HSPE1: variants seen among roughly 807,000 people sequenced by gnomAD.
HSPE1 encodes the protein heat shock protein family E (Hsp10) member 1.
Under a neutral mutation model 13.2 loss-of-function variants are expected in HSPE1, and 1 was observed. The ratio of observed to expected loss-of-function variants is 0.08; its 90% CI spans 0.03 to 0.36. The LOEUF (loss-of-function observed/expected upper bound fraction) is 0.36. HSPE1 is among the 10% of genes least tolerant of loss of function. The pLI is 0.99. For missense variants in HSPE1, 73 were observed against 118.7 expected, an observed-to-expected ratio of 0.62 and a Z score of 1.79; for synonymous variants, 44 against 42.0, an observed-to-expected ratio of 1.05 and a Z score of -0.19.
chr2:197,500,473 C>A, intron 1 of HSPE1, 34 bp downstream of exon 1: 1 of 1,365,730 alleles, frequency 7.3e-7, no homozygotes. Context: ...CCTGCAGGCC[C>A]GGGCCTGTCT....
rs1431944929 is a variant in HSPE1, at chr2:197,501,071, C to T, written c.4-3C>T. On this transcript the variant is annotated splice_polypyrimidine_tract_variant and splice_region_variant and intron_variant, in intron 1 of 3. Coordinates refer to ENST00000233893, the MANE Select transcript of HSPE1 (RefSeq NM_002157.3). The stretch of plus-strand genomic sequence containing the variant: ...TTGTTTCAAAACATTTCTCTTCCTA[C>T]AGGCAGGACAAGCGTTTAGAAAGTT... 3 of 1,584,324 alleles carry T rather than the reference C, an allele frequency of 1.9e-6. No homozygotes were observed. Among genetic ancestry groups the T allele is most frequent in the Admixed American group, 1.7e-5 (1 of 58,092 alleles).
In HSPE1 at chr2:197,501,254, A is replaced by C; in HGVS notation, c.168+16A>C. 19 of 1,597,606 alleles carry C rather than the reference A, an allele frequency of 1.2e-5. No individual in the cohort carries two copies. The highest frequency in any genetic ancestry group is 1.6e-5 in the Non-Finnish European group (19 of 1,170,584). ...TAAAGGAAAGGTAAATGGGAGCTGC[A>C]GTGGAACTATTTTTTATAGTGTGCA... On this transcript the variant is annotated intron_variant, in intron 2 of 3. Transcript: ENST00000233893.
intron 2 of HSPE1, among the ~76,000 whole-genome samples, chr2:197,502,006 T>TA (rs1183491223): frequency 1.3e-5 from 2 of 152,060 alleles, no homozygotes; most frequent in African/African-American, 2.4e-5. Flanking sequence ...AATAAATAAA[T>TA]ACAAAAGATG....
chr2:197,500,671 C>T, intron 1 of HSPE1: 1 of 637,804 alleles, frequency 1.6e-6, no homozygotes. Context: ...AACCCGGGCG[C>T]ACGCGCAGCG....
intron 1 of HSPE1, 77 bp from the exon 2 acceptor site, chr2:197,500,997 T>A: frequency 6.6e-7 from 1 of 1,525,962 alleles, no homozygotes; most frequent in Non-Finnish European, 8.9e-7. Flanking sequence ...CGTGTTGAGA[T>A]GTATAGCACG....
chr2:197,500,677 C>T, intron 1 of HSPE1: 1 of 626,032 alleles, frequency 1.6e-6, no homozygotes, highest in East Asian at 2.7e-5. Flanking sequence ...GGCGCACGCG[C>T]AGCGTCTCAC....
Position 197,503,306 on chromosome 2 carries a change from C to T in HSPE1, c.*47C>T. 8.5e-7 allele frequency: 1 copy of T among 1,181,800 alleles called. No homozygotes were observed. The highest frequency in any genetic ancestry group is 1.3e-5 in the South Asian group (1 of 78,378). 73.2% of individuals were successfully genotyped at this position (1,181,800 alleles called of 1,614,324 possible). A position where few individuals can be genotyped will look rare whatever the true frequency, so the allele number is the denominator to read the frequency against. On this transcript the variant is annotated 3_prime_UTR_variant, in exon 4 of 4. Coordinates refer to ENST00000233893, the MANE Select transcript of HSPE1 (RefSeq NM_002157.3). ...CATCAACATGATGCTGCCCATTCCA[C>T]TGAAGTTCTGAAATCTTTCGTCATG...
intron 1 of HSPE1, 125 bp downstream of exon 1, chr2:197,500,564 G>C (rs1477683498): frequency 1.4e-5 from 20 of 1,429,414 alleles, no homozygotes; most frequent in Non-Finnish European, 1.9e-5. Context: ...ACCAGCGCCC[G>C]ATGGCACCTT....
chr2:197,500,380 C>T lies in HSPE1; in HGVS notation c.-57C>T, dbSNP rs968200620. 1.2e-5 allele frequency: 19 copies of T among 1,581,358 alleles called. No individual in the cohort carries two copies. The highest frequency in any genetic ancestry group is 6.8e-5 in the African/African-American group (5 of 74,052). On this transcript the variant is annotated 5_prime_UTR_variant, in exon 1 of 4. Coordinates refer to ENST00000233893, the MANE Select transcript of HSPE1 (RefSeq NM_002157.3). The stretch of plus-strand genomic sequence containing the variant: ...TTCACGTGTCGCCAGGGCCGGACTG[C>T]GAGTCTCTTTGCGGCGCTACACTAG...
chr2:197,500,512 CTTT>C, intron 1 of HSPE1, 73 bp downstream of exon 1: 1 of 639,226 alleles, frequency 1.6e-6, no homozygotes, highest in Non-Finnish European at 2.7e-6. Flanking sequence ...TGACGCCCCT[CTTT>C]TGTTGGGCTG....
intron 1 of HSPE1, chr2:197,500,700 G>A: frequency 1.6e-6 from 1 of 606,334 alleles, no homozygotes; most frequent in Non-Finnish European, 2.9e-6. Flanking sequence ...GCTTCTGCAG[G>A]GCCTTTGTGG....
At position 197,501,183 on chromosome 2, in the gene HSPE1, A is replaced by G; in HGVS notation, c.113A>G (p.Gln38Arg). ...KGGIMLPEKS[Q>R]GKVLQATVVA... Reference sequence around the variant, plus strand: ...GGCATTATGCTTCCAGAAAAATCTCAAGGAAAAGTATTGCAAGCAACAGTA... The same window carrying G: ...GGCATTATGCTTCCAGAAAAATCTCGAGGAAAAGTATTGCAAGCAACAGTA... The change falls in exon 2 of 4, where the codon CAA (glutamine) becomes CGA (arginine). Residue 38 changes from glutamine (Q) to arginine (R), a missense_variant. Transcript: ENST00000233893. 2 of 1,614,138 alleles carry G rather than the reference A, an allele frequency of 1.2e-6. No homozygotes were observed. The highest frequency in any genetic ancestry group is 2.2e-5 in the East Asian group (1 of 44,890).
intron 1 of HSPE1, 193 bp from the exon 2 acceptor site, chr2:197,500,881 A>G (rs1413489250): frequency 4.5e-5 from 31 of 681,706 alleles, no homozygotes; most frequent in Non-Finnish European, 5.6e-5. Context: ...ACGACCCCTA[A>G]CAGACGTAAG....
intron 1 of HSPE1, 108 bp downstream of exon 1, chr2:197,500,547 C>G (rs2086238001): frequency 1.4e-6 from 2 of 1,480,020 alleles, no homozygotes; most frequent in East Asian, 2.5e-5. Context: ...TTGGTGGCCA[C>G]TCAGTGACCA....
rs2106087493 is a variant in HSPE1 at position 197,503,357 on chromosome 2, A to G, written c.*98A>G. 5 of 784,754 alleles carry G rather than the reference A, an allele frequency of 6.4e-6. No homozygotes were observed. The highest frequency in any genetic ancestry group is 2.3e-5 in the Admixed American group (1 of 43,600). The allele number at this position is 784,754 out of a possible 1,614,324, so 48.6% of individuals were successfully genotyped here. On this transcript the variant is annotated 3_prime_UTR_variant, in exon 4 of 4. Coordinates refer to ENST00000233893, the MANE Select transcript of HSPE1 (RefSeq NM_002157.3). ...TAAATAATTTCCATATTTCTCTTTT[A>G]TAATAAACTAATGATAACTAATGAC...
chr2:197,501,402 A>G, intron 2 of HSPE1, 164 bp downstream of exon 2: 1 of 796,686 alleles, frequency 1.3e-6, no homozygotes, highest in Non-Finnish European at 1.9e-6. Flanking sequence ...TGACTAATAT[A>G]AAGTTGCTTA....
intron 1 of HSPE1, 92 bp downstream of exon 1, chr2:197,500,531 G>GGT: frequency 1.7e-5 from 14 of 825,766 alleles, no homozygotes; most frequent in African/African-American, 3.4e-5. Context: ...GGCTGGGCGG[G>GGT]AGGGATTGGT....
At chr2:197,503,158 G>C (rs1299095924) in intron 3 of HSPE1, 30 bp downstream of exon 3, 1 of 1,579,620 alleles carries the variant, frequency 6.3e-7, no homozygotes. Flanking sequence ...CTAAAAAGAA[G>C]TCAGATATTT....
chr2:197,501,835 A>T (rs1415609954), intron 2 of HSPE1, among the ~76,000 whole-genome samples: 1 of 151,694 alleles, frequency 6.6e-6, no homozygotes, highest in Non-Finnish European at 1.5e-5. Context: ...TTTGCCTTAC[A>T]TTCTAAATTT....
Sources: allele counts gnomAD v4.1 joint callset (sites outside exome capture counted in the v4.1 genomes callset), GRCh38; gene constraint gnomAD v4.1.1; transcripts MANE v1.5; gene names NCBI Gene and HGNC (gene_info 2026-07-23, HGNC 2026-07-21).